NPR2: variants seen among roughly 807,000 people sequenced by gnomAD.
The protein encoded by NPR2 is atrial natriuretic peptide receptor 2.
In NPR2, 49 loss-of-function variants were observed where a neutral mutation model predicts 120.7. The observed-to-expected ratio is 0.41, with a 90% CI of 0.32 to 0.52. The LOEUF is 0.52. NPR2 is among the 20% of genes least tolerant of loss of function. The pLI, the probability that NPR2 is intolerant of heterozygous loss-of-function variation, is 0.36. For synonymous variants in NPR2, 484 were observed against 519.8 expected (o/e 0.93, Z 0.94); for missense variants, 931 against 1,362.9 (o/e 0.68, Z 4.99).
chr9:35,804,947 C>T (rs1828309732), intron 12 of NPR2, among the ~76,000 whole-genome samples: 1 of 76,162 alleles, frequency 1.3e-5, no homozygotes, highest in Admixed American at 1.4e-4. Flanking sequence ...CCCGACCTGC[C>T]CACCTCCCTC....
chr9:35,793,899 TG>T lies in NPR2; in HGVS notation c.670del (p.Val224CysfsTer22). On this transcript the variant is annotated frameshift_variant and splice_region_variant, in exon 2 of 22. Transcript: ENST00000342694. LOFTEE classifies it high-confidence loss of function. Reference protein sequence around the residue: ...THFIRANGRIVYICGPLEMLH... With the variant: ...THFIRANGRIXYICGPLEMLH... ...CCTCTGTCATGTACCTGCTCCCAGT[TG>T]TGTATATCTGCGGCCCTCTGGAGAT... is the stretch of plus-strand genomic sequence containing the variant. 1 of 1,614,132 alleles carries T rather than the reference TG, an allele frequency of 6.2e-7. No individual in the cohort carries two copies. Among genetic ancestry groups the T allele is most frequent in the East Asian group, 2.2e-5 (1 of 44,886 alleles).
intron 6 of NPR2, 67 bp from the exon 7 acceptor site, chr9:35,801,003 T>G: frequency 2.0e-6 from 3 of 1,522,468 alleles, no homozygotes; most frequent in South Asian, 1.1e-5. Flanking sequence ...TATGCACCTA[T>G]GCACCCCGTT....
chr9:35,800,934 T>G lies in NPR2; in HGVS notation c.1351+93T>G. On this transcript the variant is annotated intron_variant, in intron 6 of 21. Transcript: ENST00000342694. This position sits in a 1 kb window ranked among gnomAD's most constrained non-coding sequence, Gnocchi z 4.7. ...CTGACCCTCCACTCTTAACTGTGCTTCTGCCTTTACGTCTGCATCCCTCCC... is the reference window on the plus strand; with the variant it reads ...CTGACCCTCCACTCTTAACTGTGCTGCTGCCTTTACGTCTGCATCCCTCCC... The G allele has an allele frequency of 6.3e-7, 1 of 1,587,876 alleles. No individual in the cohort carries two copies. The highest frequency in any genetic ancestry group is 1.1e-5 in the South Asian group (1 of 90,566).
intron 2 of NPR2, 103 bp downstream of exon 2, chr9:35,794,206 G>A: frequency 1.8e-6 from 2 of 1,090,028 alleles, no homozygotes; most frequent in Non-Finnish European, 2.6e-6. Context: ...GGCAGGAATT[G>A]TGAGCCACAG....
In NPR2 at chr9:35,792,968, T is replaced by A. The variant is rs1057519335; in HGVS notation, c.560T>A (p.Val187Asp). Reference sequence around the variant, plus strand: ...CCTCACTACTTCACCATCGAGGGCGTCTTTGAGGCCCTGCAGGGCAGCAAC... The same window carrying A: ...CCTCACTACTTCACCATCGAGGGCGACTTTGAGGCCCTGCAGGGCAGCAAC... ...DRPHYFTIEG[V>D]FEALQGSNLS... The change falls in exon 1 of 22, where the codon GTC becomes GAC. Residue 187 changes from valine to aspartate, a missense_variant. By Grantham distance (152) the Val-to-Asp change is radical. This residue lies in a region of NPR2 where 681 missense variants were observed against 974.3 expected (regional missense o/e 0.70). Coordinates refer to ENST00000342694, the MANE Select transcript of NPR2 (RefSeq NM_003995.4). 6.2e-7 allele frequency: 1 copy of A among 1,613,734 alleles called. No individual in the cohort carries two copies. Among genetic ancestry groups the A allele is most frequent in the Non-Finnish European group, 8.5e-7 (1 of 1,179,982 alleles).
Position 35,808,310 on chromosome 9 carries a change from G to C in NPR2, c.2713-199G>C, listed in dbSNP as rs761190573. Reference sequence around the variant, plus strand: ...TTTACTGAGTATTCACCAGGTGCTGGGTGGAGAAAGAAGACTTAAAGATTC... The same window carrying C: ...TTTACTGAGTATTCACCAGGTGCTGCGTGGAGAAAGAAGACTTAAAGATTC... On this transcript the variant is annotated intron_variant, in intron 18 of 21. Coordinates refer to ENST00000342694, the MANE Select transcript of NPR2 (RefSeq NM_003995.4). The surrounding 1 kb of genome is among the most constrained non-coding windows in gnomAD (Gnocchi z 4.0). 4.4e-6 allele frequency: 7 copies of C among 1,596,812 alleles called. No individual in the cohort carries two copies. The highest frequency in any genetic ancestry group is 6.0e-6 in the Non-Finnish European group (7 of 1,164,340).
chr9:35,797,530 G>A (rs1198667974), intron 2 of NPR2, among the ~76,000 whole-genome samples: 1 of 152,194 alleles, frequency 6.6e-6, no homozygotes, highest in African/African-American at 2.4e-5. Flanking sequence ...CTCAGTGGGC[G>A]GGTCCACAGA....
chr9:35,797,845 A>G (rs1222149190), intron 2 of NPR2, among the ~76,000 whole-genome samples: 1 of 152,194 alleles, frequency 6.6e-6, no homozygotes, highest in East Asian at 1.9e-4. Flanking sequence ...GGTCAAAACT[A>G]TTTAAAAATA....
rs765937053 is a variant in NPR2, at chr9:35,805,805, T to C, written c.2048-25T>C. 6.2e-7 allele frequency: 1 copy of C among 1,613,644 alleles called. No individual in the cohort carries two copies. The highest frequency in any genetic ancestry group is 1.7e-5 in the Admixed American group (1 of 60,038). ...TGGGGGTGCCCCATTTCGGGGGACCTGGCCAGCCGGTTTCCTCTTTTCAGA... is the reference window on the plus strand; with the variant it reads ...TGGGGGTGCCCCATTTCGGGGGACCCGGCCAGCCGGTTTCCTCTTTTCAGA... On this transcript the variant is annotated intron_variant, in intron 13 of 21. Coordinates refer to ENST00000342694, the MANE Select transcript of NPR2 (RefSeq NM_003995.4). This position sits in a 1 kb window ranked among gnomAD's most constrained non-coding sequence, Gnocchi z 4.9.
At chr9:35,794,857 G>GT (rs1827901453) in intron 2 of NPR2, among the ~76,000 whole-genome samples, 1 of 145,796 alleles carries the variant, frequency 6.9e-6, no homozygotes, top group Non-Finnish European at 1.5e-5. Flanking sequence ...TGTGTGTGTG[G>GT]AGATAATTAT....
In NPR2 at chr9:35,794,068, C is replaced by G. The variant is rs771997028; in HGVS notation, c.838C>G (p.Arg280Gly). Residue 280 changes from arginine (R) to glycine (G), a missense_variant, in exon 2 of 22, where the codon CGG becomes GGG. Physicochemically the swap from Arg to Gly is moderately radical, Grantham distance 125. This residue lies in a region of NPR2 where 681 missense variants were observed against 974.3 expected (regional missense o/e 0.70). Coordinates refer to ENST00000342694, the MANE Select transcript of NPR2 (RefSeq NM_003995.4). ...CCGGCCCTGGCAGGACAATCGCACC[C>G]GGGAACAGGCCCAGGCCCTCAGAGA... The part of the protein sequence containing the change: ...TGRPWQDNRT[R>G]EQAQALREAF... The G allele has an allele frequency of 2.9e-5, 47 of 1,614,030 alleles. No individual in the cohort carries two copies. The Admixed American group carries it at 7.5e-4, about 26-fold the overall frequency.
intron 2 of NPR2, among the ~76,000 whole-genome samples, chr9:35,795,731 C>T (rs948958356): frequency 6.6e-6 from 1 of 152,192 alleles, no homozygotes; most frequent in African/African-American, 2.4e-5. Flanking sequence ...CTTCCATATT[C>T]TTTAAGACTC....
In NPR2 at chr9:35,792,581, G is replaced by T. The variant is rs752540860; in HGVS notation, c.173G>T (p.Arg58Leu). 50 of 1,612,986 alleles carry T rather than the reference G, an allele frequency of 3.1e-5. No homozygotes were observed. Among genetic ancestry groups the T allele is most frequent in the Non-Finnish European group, 3.9e-5 (46 of 1,180,006 alleles). The part of the protein sequence containing the change: ...AVALAVEALG[R>L]ALPVDLRFVS... The stretch of plus-strand genomic sequence containing the variant: ...GCACTAGCTGTGGAGGCTCTGGGCC[G>T]GGCACTGCCCGTGGACCTGCGGTTT... Residue 58 changes from arginine (R) to leucine (L), a missense_variant, in exon 1 of 22, where the codon CGG (arginine) becomes CTG (leucine). Transcript: ENST00000342694.
intron 2 of NPR2, 91 bp from the exon 3 acceptor site, chr9:35,799,527 T>G: frequency 1.1e-6 from 1 of 920,220 alleles, no homozygotes; most frequent in Middle Eastern, 2.1e-4. Context: ...ATATCATGTA[T>G]ATTTTACCAA....
In NPR2 at chr9:35,804,398, C is replaced by T. The variant is rs1828286939; in HGVS notation, c.1888-1113C>T. Among the ~76,000 whole-genome samples the T allele has an allele frequency of 2.0e-5, 3 of 152,030 alleles. No individual in the cohort carries two copies. The South Asian group carries it at 6.2e-4, about 32-fold the overall frequency. ...ACAGCGTGTGCTGCAGTGCCCGGCT[C>T]ATTTTTATATTTTTGGTAGAGGTGG... On this transcript the variant is annotated intron_variant, in intron 12 of 21. Coordinates refer to ENST00000342694, the MANE Select transcript of NPR2 (RefSeq NM_003995.4).
At chr9:35,795,817 A>C (rs929458849) in intron 2 of NPR2, among the ~76,000 whole-genome samples, 1 of 152,074 alleles carries the variant, frequency 6.6e-6, no homozygotes, top group African/African-American at 2.4e-5. Flanking sequence ...CTTTTGCTTA[A>C]CTCCATCTAC....
chr9:35,796,759 G>C (rs1159183561), intron 2 of NPR2, among the ~76,000 whole-genome samples: 1 of 152,212 alleles, frequency 6.6e-6, no homozygotes, highest in Non-Finnish European at 1.5e-5. Flanking sequence ...GCTGAGGGGT[G>C]ATAAGGTGCC....
chr9:35,807,275 AT>A, intron 17 of NPR2, 54 bp from the exon 18 acceptor site: 4 of 1,535,268 alleles, frequency 2.6e-6, no homozygotes, highest in Non-Finnish European at 3.6e-6. Context: ...TGGGTTAAGA[AT>A]TCTTAGAAAA....
At chr9:35,799,908 A>T in intron 3 of NPR2, 114 bp from the exon 4 acceptor site, 2 of 1,519,490 alleles carry the variant, frequency 1.3e-6, no homozygotes, top group East Asian at 2.3e-5. Context: ...CACTTTAGGA[A>T]TAAGAGGGAA....
Sources: allele counts gnomAD v4.1 joint callset (sites outside exome capture counted in the v4.1 genomes callset), GRCh38; gene constraint gnomAD v4.1.1; regional missense constraint gnomAD v4.1.1; non-coding constraint Gnocchi (gnomAD v3.1); transcripts MANE v1.5; gene names NCBI Gene and HGNC (gene_info 2026-07-23, HGNC 2026-07-21).